DPY30: variants seen among roughly 807,000 people sequenced by gnomAD.
DPY30 encodes the protein protein dpy-30 homolog.
DPY30 carries 6 observed loss-of-function variants against 16.2 expected under a neutral mutation model. The ratio of observed to expected loss-of-function variants is 0.37; its 90% confidence interval spans 0.20 to 0.73. DPY30 has a LOEUF of 0.73. DPY30 is among the 30% of genes least tolerant of loss of function. DPY30 has a pLI of 0.51. For synonymous variants in DPY30, 39 were observed against 38.8 expected, an observed-to-expected ratio of 1.00 and a Z score of -0.02; for missense variants, 73 against 113.1, an observed-to-expected ratio of 0.65 and a Z score of 1.61.
At chr2:32,029,461 G>T in intron 4 of DPY30, 133 bp downstream of exon 4, 1 of 1,058,556 alleles carries the variant, frequency 9.4e-7, no homozygotes, top group Non-Finnish European at 1.4e-6. Context: ...GATTATGGCT[G>T]AATACTTTCT....
intron 4 of DPY30, among the ~76,000 whole-genome samples, chr2:32,028,973 T>A (rs1456234453): frequency 6.6e-6 from 1 of 151,424 alleles, no homozygotes; most frequent in Non-Finnish European, 1.5e-5. Context: ...CAAAAAAAAA[T>A]AAGAATAATA....
chr2:32,026,090 A>G (rs1042328727), intron 4 of DPY30, among the ~76,000 whole-genome samples: 1 of 152,114 alleles, frequency 6.6e-6, no homozygotes, highest in Non-Finnish European at 1.5e-5. Flanking sequence ...CTGGGGCAAC[A>G]GAGCAAGACT....
chr2:32,038,246 G>A (rs1022290945), intron 3 of DPY30, among the ~76,000 whole-genome samples: 2 of 147,204 alleles, frequency 1.4e-5, no homozygotes, highest in Non-Finnish European at 3.0e-5. Flanking sequence ...AGCGATTCGC[G>A]ATTCTCCTGC....
chr2:32,028,112 CTT>C (rs1159330100), intron 4 of DPY30, among the ~76,000 whole-genome samples: 52 of 136,086 alleles, frequency 3.8e-4, no homozygotes, highest in Non-Finnish European at 3.4e-4. Flanking sequence ...GATATATTTC[CTT>C]TTTTTTTTTT....
chr2:32,035,591 TA>T (rs906842596), intron 3 of DPY30, among the ~76,000 whole-genome samples: 124 of 137,234 alleles, frequency 9.0e-4, no homozygotes, highest in African/African-American at 1.1e-3. Context: ...TTCATCTTAT[TA>T]AAAAAAAAAA....
At chr2:32,025,321 G>A (rs1675287334) in intron 4 of DPY30, among the ~76,000 whole-genome samples, 1 of 152,064 alleles carries the variant, frequency 6.6e-6, no homozygotes, top group African/African-American at 2.4e-5. Flanking sequence ...AAATTAGCCG[G>A]TCATGGCAGT....
At chr2:32,036,215 G>A (rs1174180021) in intron 3 of DPY30, among the ~76,000 whole-genome samples, 1 of 151,726 alleles carries the variant, frequency 6.6e-6, no homozygotes, top group Non-Finnish European at 1.5e-5. Flanking sequence ...TAGATTCAAG[G>A]AATCCTCCCA....
At chr2:32,039,616 AG>A in intron 1 of DPY30, 116 bp downstream of exon 1, 1 of 858,614 alleles carries the variant, frequency 1.2e-6, no homozygotes, top group East Asian at 2.6e-5. Context: ...CACCACGAGC[AG>A]TAGAGCAGCA....
intron 4 of DPY30, among the ~76,000 whole-genome samples, chr2:32,028,127 T>C (rs902156862): frequency 1.3e-5 from 2 of 151,276 alleles, no homozygotes; most frequent in Non-Finnish European, 2.9e-5. Context: ...TTTTTTTTTT[T>C]TGAGGCAGGG....
intron 4 of DPY30, 97 bp from the exon 5 acceptor site, chr2:32,024,353 T>A: frequency 2.3e-6 from 2 of 887,050 alleles, no homozygotes; most frequent in Non-Finnish European, 3.4e-6. Flanking sequence ...TTTTTAAGTT[T>A]AATTTTCATT....
intron 2 of DPY30, 27 bp from the exon 3 acceptor site, chr2:32,039,353 G>GATA: frequency 6.2e-7 from 1 of 1,614,104 alleles, no homozygotes; most frequent in Non-Finnish European, 8.5e-7. Context: ...CGGTCACAGA[G>GATA]ATATAAGTCC....
intron 3 of DPY30, among the ~76,000 whole-genome samples, chr2:32,034,783 T>C (rs1328224500): frequency 6.6e-6 from 1 of 151,712 alleles, no homozygotes; most frequent in Non-Finnish European, 1.5e-5. Context: ...TGGATCACCT[T>C]AGGTCAGGAG....
chr2:32,033,783 T>C (rs1477513136), intron 3 of DPY30, among the ~76,000 whole-genome samples: 2 of 152,216 alleles, frequency 1.3e-5, no homozygotes, highest in Admixed American at 6.5e-5. Context: ...AATTATCTAC[T>C]ATATGCCAAT....
Position 32,024,061 on chromosome 2 carries a change from A to C in DPY30, c.*123T>G. The stretch of plus-strand genomic sequence containing the variant: ...TGTTATCTTCTGCAATTCCAGAAAT[A>C]GGTTCTGTTGTCCGGAAGGTTCTTA... On this transcript the variant is annotated 3_prime_UTR_variant, in exon 5 of 5. Coordinates refer to ENST00000342166, the MANE Select transcript of DPY30 (RefSeq NM_001321209.2). The C allele has an allele frequency of 6.7e-7, 1 of 1,502,690 alleles. No homozygotes were observed. The highest frequency in any genetic ancestry group is 1.3e-5 in the South Asian group (1 of 77,078). The allele number at this position is 1,502,690 out of a possible 1,614,324, so 93.1% of individuals were successfully genotyped here. A position where few individuals can be genotyped will look rare whatever the true frequency, so the allele number is the denominator to read the frequency against.
At chr2:32,036,195 C>A (rs1675731089) in intron 3 of DPY30, among the ~76,000 whole-genome samples, 1 of 151,670 alleles carries the variant, frequency 6.6e-6, no homozygotes, top group African/African-American at 2.4e-5. Flanking sequence ...CCAGGCTGGT[C>A]TTAAACTCCT....
chr2:32,019,719 C>T (rs1299971845), downstream of DPY30, among the ~76,000 whole-genome samples: 5 of 149,794 alleles, frequency 3.3e-5, no homozygotes, highest in Admixed American at 2.0e-4. Context: ...ACTAGGGAGG[C>T]TGAGGCAGGA....
intron 3 of DPY30, among the ~76,000 whole-genome samples, chr2:32,037,872 AACAAG>A (rs1462170366): frequency 1.3e-5 from 2 of 151,982 alleles, no homozygotes; most frequent in African/African-American, 2.4e-5. Flanking sequence ...TATTAAAAAA[AACAAG>A]ACATGTGTGA....
At chr2:32,021,631 A>G (rs1675182888), downstream of DPY30, among the ~76,000 whole-genome samples, 1 of 146,930 alleles carries the variant, frequency 6.8e-6, no homozygotes, top group African/African-American at 2.5e-5. Context: ...GTGAGCTGAG[A>G]TTGCGCCACT....
chr2:32,036,792 C>A (rs1297003188), intron 3 of DPY30, among the ~76,000 whole-genome samples: 1 of 151,896 alleles, frequency 6.6e-6, no homozygotes, highest in African/African-American at 2.4e-5. Context: ...TGGTGTGAAC[C>A]CAGGAGGCAG....
Sources: gnomAD v4.1 joint callset for allele counts (sites outside exome capture counted in the v4.1 genomes callset) on GRCh38, gnomAD v4.1.1 for gene constraint, MANE v1.5 for transcripts, NCBI Gene and HGNC (gene_info 2026-07-23, HGNC 2026-07-21) for gene names.